Variants in RPAP3 observed in about 807,000 individuals in gnomAD.
RPAP3 encodes the protein RNA polymerase II associated protein 3.
RPAP3 carries 58 observed loss-of-function variants against 88.8 expected under a neutral mutation model. That is an observed-to-expected ratio of 0.65 (90% CI 0.53 to 0.81). RPAP3 has a LOEUF of 0.81. Ranked by LOEUF, RPAP3 falls within the 40% of genes least tolerant of loss-of-function variation. The probability of loss-of-function intolerance (pLI) is 0.00; values close to 1 mark genes in which losing one functional copy is unlikely to be tolerated. For missense variants in RPAP3, 751 were observed against 764.3 expected (o/e 0.98, Z 0.20); for synonymous variants, 255 against 259.9 (o/e 0.98, Z 0.18).
At chr12:47,666,631 A>C (rs1243836633) in intron 16 of RPAP3, among the ~76,000 whole-genome samples, 1 of 152,172 alleles carries the variant, frequency 6.6e-6, no homozygotes, top group African/African-American at 2.4e-5. Context: ...AGAAGAGCTC[A>C]GACTATGGAG....
chr12:47,688,391 A>G (rs1180420458), intron 7 of RPAP3, among the ~76,000 whole-genome samples: 1 of 151,870 alleles, frequency 6.6e-6, no homozygotes, highest in Non-Finnish European at 1.5e-5. Context: ...TACTATGCTC[A>G]CTATCTAGGT....
rs1373141559 is a variant in RPAP3 at position 47,701,572 on chromosome 12, C to T, written c.186G>A (p.Arg62=). The part of the protein sequence containing the change: ...NLPPIRNGNF[R]KKKKGKAKES... ...CTTTAGCTTTGCCTTTCTTCTTTTT[C>T]CTAAAATTCCCATTTCGAATAGGAG... The change falls in exon 3 of 17, where the codon AGG becomes AGA. Residue 62 remains arginine (R), a synonymous_variant. Transcript: ENST00000005386. 6.3e-7 allele frequency: 1 copy of T among 1,589,028 alleles called. No homozygotes were observed. Among genetic ancestry groups the T allele is most frequent in the Non-Finnish European group, 8.5e-7 (1 of 1,170,322 alleles).
intron 10 of RPAP3, among the ~76,000 whole-genome samples, 193 bp from the exon 11 acceptor site, chr12:47,679,967 T>C (rs1225007819): frequency 1.3e-5 from 2 of 152,164 alleles, no homozygotes; most frequent in Non-Finnish European, 2.9e-5. Context: ...ATATGAATGT[T>C]CACGTAACCC....
chr12:47,662,484 T>A lies in RPAP3; in HGVS notation c.*1021A>T, dbSNP rs1938780844. ...AATAAAAATTAACCACAATATCGTA[T>A]AAAATTGTAAACTGAACTGTCTTAT... On this transcript the variant is annotated 3_prime_UTR_variant, in exon 17 of 17. Transcript: ENST00000005386. The A allele has an allele frequency of 6.6e-6, 1 of 152,194 alleles. No individual in the cohort carries two copies. The highest frequency in any genetic ancestry group is 2.4e-5 in the African/African-American group (1 of 41,452). 9.4% of individuals were successfully genotyped at this position (152,194 alleles called of 1,614,324 possible). A position where few individuals can be genotyped will look rare whatever the true frequency, so the allele number is the denominator to read the frequency against.
chr12:47,665,482 T>G (rs1484190893), intron 16 of RPAP3, among the ~76,000 whole-genome samples: 1 of 151,446 alleles, frequency 6.6e-6, no homozygotes, highest in Non-Finnish European at 1.5e-5. Flanking sequence ...GAAAAAATAG[T>G]GGTAAAAGAT....
chr12:47,673,946 T>C (rs1939054811), intron 12 of RPAP3, among the ~76,000 whole-genome samples: 2 of 150,900 alleles, frequency 1.3e-5, no homozygotes, highest in African/African-American at 2.4e-5. Flanking sequence ...ATTCCTTTAA[T>C]ATAAGAGAAA....
chr12:47,680,676 C>A (rs1177598809), intron 10 of RPAP3, among the ~76,000 whole-genome samples: 1 of 151,690 alleles, frequency 6.6e-6, no homozygotes, highest in Non-Finnish European at 1.5e-5. Context: ...AAAACACACA[C>A]AGGAGAACCA....
intron 12 of RPAP3, among the ~76,000 whole-genome samples, chr12:47,673,910 T>A (rs1254947928): frequency 2.0e-5 from 3 of 152,050 alleles, no homozygotes; most frequent in African/African-American, 7.2e-5. Flanking sequence ...GACATTTAAT[T>A]TCTATAAAAT....
Position 47,688,404 on chromosome 12 carries a change from C to T in RPAP3, c.739-403G>A, listed in dbSNP as rs951944128. Among the ~76,000 whole-genome samples the T allele has an allele frequency of 5.3e-5, 8 of 151,740 alleles. No individual in the cohort carries two copies. In the South Asian group the frequency reaches 1.0e-3, roughly 20 times the overall value. On this transcript the variant is annotated intron_variant, in intron 7 of 16. Coordinates refer to ENST00000005386, the MANE Select transcript of RPAP3 (RefSeq NM_024604.3). ...GGTACTATGCTCACTATCTAGGTGGCGGAATCATTCATACCCCAAACCTCA... is the reference window on the plus strand; with the variant it reads ...GGTACTATGCTCACTATCTAGGTGGTGGAATCATTCATACCCCAAACCTCA...
chr12:47,696,198 T>C (rs1939522123), intron 5 of RPAP3, 78 bp downstream of exon 5: 1 of 1,241,048 alleles, frequency 8.1e-7, no homozygotes, highest in Non-Finnish European at 1.1e-6. Context: ...CTCCACACTT[T>C]ATTCCACACT....
At chr12:47,663,901 T>C (rs1203436859) in intron 16 of RPAP3, among the ~76,000 whole-genome samples, 7 of 152,226 alleles carry the variant, frequency 4.6e-5, no homozygotes. Context: ...ACCCTATCTG[T>C]GTAACAAGTG....
intron 12 of RPAP3, among the ~76,000 whole-genome samples, chr12:47,676,926 A>G (rs1233044): frequency 0.19 from 29,535 of 152,020 alleles, 3,414 homozygotes; most frequent in East Asian, 0.38. Flanking sequence ...AAGCCTGGCA[A>G]AGACACAACA....
At chr12:47,693,288 G>A (rs1939463642) in intron 5 of RPAP3, among the ~76,000 whole-genome samples, 1 of 152,164 alleles carries the variant, frequency 6.6e-6, no homozygotes, top group African/African-American at 2.4e-5. Context: ...GCTGGTCAAT[G>A]AAGCAGACAG....
At chr12:47,694,685 T>C (rs529713703) in intron 5 of RPAP3, among the ~76,000 whole-genome samples, 2 of 146,324 alleles carry the variant, frequency 1.4e-5, no homozygotes, top group South Asian at 2.2e-4. Flanking sequence ...AAACACCAAA[T>C]AGGCATTTCA....
intron 12 of RPAP3, among the ~76,000 whole-genome samples, chr12:47,675,467 A>AAGACCCATCAGTGTGCTGCATTCAGG (rs1939092916): frequency 6.6e-6 from 1 of 152,106 alleles, no homozygotes; most frequent in Non-Finnish European, 1.5e-5. Context: ...GGATAGAGTA[A>AAGACCCATCAGTGTGCTGCATTCAGG]AGACCCATCA....
intron 5 of RPAP3, 37 bp downstream of exon 5, chr12:47,696,239 G>A (rs374334457): frequency 6.9e-7 from 1 of 1,458,796 alleles, no homozygotes; most frequent in Non-Finnish European, 9.1e-7. Context: ...ATATACATAA[G>A]ACATTCACAT....
Position 47,670,346 on chromosome 12 carries a change from C to T in RPAP3, c.1288-1G>A. 4.6e-6 allele frequency: 7 copies of T among 1,523,208 alleles called. No individual in the cohort carries two copies. Among genetic ancestry groups the T allele is most frequent in the Non-Finnish European group, 4.5e-6 (5 of 1,107,932 alleles). 94.4% of individuals were successfully genotyped at this position (1,523,208 alleles called of 1,614,324 possible). On this transcript the variant is annotated splice_acceptor_variant, in intron 12 of 16. Transcript: ENST00000005386. LOFTEE classifies it high-confidence loss of function. ...CAATAATAACCTTCTTGAGTGGTTTCTAAAACAATTAAAATCAATTCCTTA... is the reference window on the plus strand; with the variant it reads ...CAATAATAACCTTCTTGAGTGGTTTTTAAAACAATTAAAATCAATTCCTTA...
chr12:47,671,952 G>A (rs1939007563), intron 12 of RPAP3, among the ~76,000 whole-genome samples: 1 of 151,742 alleles, frequency 6.6e-6, no homozygotes, highest in Non-Finnish European at 1.5e-5. Context: ...TCATGACTCG[G>A]AAGCGTAACA....
At chr12:47,674,771 T>C (rs761081909) in intron 12 of RPAP3, among the ~76,000 whole-genome samples, 8 of 152,308 alleles carry the variant, frequency 5.3e-5, no homozygotes, top group South Asian at 4.1e-4. Context: ...TTACGATTGA[T>C]TGGTGTACCT....
Sources: allele counts gnomAD v4.1 joint callset (sites outside exome capture counted in the v4.1 genomes callset), GRCh38; gene constraint gnomAD v4.1.1; transcripts MANE v1.5; gene names NCBI Gene and HGNC (gene_info 2026-07-23, HGNC 2026-07-21).